The following FBXO25 variants were observed in gnomAD, a reference collection of about 807,000 sequenced individuals.
FBXO25 encodes F-box only protein 25.
Under a neutral mutation model 51.9 loss-of-function variants are expected in FBXO25, and 45 were observed. The observed-to-expected ratio is 0.87, with a 90% CI of 0.68 to 1.11. The LOEUF (loss-of-function observed/expected upper bound fraction) is 1.11. FBXO25 is among the 50% of genes most tolerant of loss of function. The probability of loss-of-function intolerance (pLI) is 0.00; values close to 1 mark genes in which losing one functional copy is unlikely to be tolerated. For missense variants in FBXO25, 507 were observed against 428.5 expected, an observed-to-expected ratio of 1.18 and a Z score of -1.62; for synonymous variants, 199 against 151.0, an observed-to-expected ratio of 1.32 and a Z score of -2.33.
At chr8:441,460 A>G (rs1018241606) in intron 5 of FBXO25, among the ~76,000 whole-genome samples, 6 of 152,250 alleles carry the variant, frequency 3.9e-5, no homozygotes, top group Non-Finnish European at 7.3e-5. Flanking sequence ...GGCATGGGCA[A>G]AGACTTGATG....
intron 2 of FBXO25, among the ~76,000 whole-genome samples, chr8:417,805 G>C (rs1166511001): frequency 6.6e-6 from 1 of 152,096 alleles, no homozygotes; most frequent in Non-Finnish European, 1.5e-5. Flanking sequence ...TAACTTATTT[G>C]TCCAGGCTTC....
intron 7 of FBXO25, among the ~76,000 whole-genome samples, chr8:457,172 C>T (rs73669394): frequency 0.077 from 11,653 of 152,248 alleles, 1,385 homozygotes; most frequent in African/African-American, 0.25. Flanking sequence ...CCACCCCAGA[C>T]TGGGGTCAGG....
chr8:458,083 ACCT>A (rs573670597), intron 7 of FBXO25, among the ~76,000 whole-genome samples: 18 of 151,974 alleles, frequency 1.2e-4, no homozygotes, highest in Non-Finnish European at 2.2e-4. Context: ...AGGAGTACTG[ACCT>A]CCTGATGCTG....
At chr8:438,153 C>T (rs1436186648) in intron 5 of FBXO25, among the ~76,000 whole-genome samples, 1 of 151,832 alleles carries the variant, frequency 6.6e-6, no homozygotes, top group East Asian at 1.9e-4. Flanking sequence ...TTCCTGGGTT[C>T]CAGTGATTCT....
chr8:433,085 A>G, intron 4 of FBXO25, 150 bp downstream of exon 4: 3 of 1,164,900 alleles, frequency 2.6e-6, no homozygotes, highest in Non-Finnish European at 3.5e-6. Context: ...ATAATAGCAT[A>G]TGAGGAGCTT....
Position 440,981 on chromosome 8 carries a change from C to G in FBXO25, c.381+5274C>G, listed in dbSNP as rs888610923. On this transcript the variant is annotated intron_variant, in intron 5 of 9. Coordinates refer to ENST00000350302, the MANE Select transcript of FBXO25 (RefSeq NM_183420.2). ...ATGTGCCACATTTCCTTTATCCAGT[C>G]TATCACTGATGGGCATTTGGGTTGG... 2.0e-3 allele frequency among the ~76,000 whole-genome samples: 291 copies of G among 147,734 alleles called. 3 individuals carry two copies. The highest frequency in any genetic ancestry group is 4.3e-3 in the Admixed American group (64 of 14,714).
At chr8:422,134 T>C (rs1797192096) in intron 2 of FBXO25, among the ~76,000 whole-genome samples, 1 of 151,978 alleles carries the variant, frequency 6.6e-6, no homozygotes, top group African/African-American at 2.4e-5. Flanking sequence ...TTAGGAGAAA[T>C]AGAATATCTG....
intron 2 of FBXO25, among the ~76,000 whole-genome samples, chr8:421,923 A>C (rs922574070): frequency 6.6e-6 from 1 of 152,222 alleles, no homozygotes; most frequent in East Asian, 1.9e-4. Flanking sequence ...TAACCTAAAA[A>C]AGAAAAGAAA....
chr8:438,160 T>A (rs1798211683), intron 5 of FBXO25, among the ~76,000 whole-genome samples: 1 of 152,154 alleles, frequency 6.6e-6, no homozygotes, highest in East Asian at 1.9e-4. Flanking sequence ...GTTCCAGTGA[T>A]TCTCCTGCCT....
At chr8:424,400 G>C (rs1797344991) in intron 2 of FBXO25, among the ~76,000 whole-genome samples, 1 of 152,008 alleles carries the variant, frequency 6.6e-6, no homozygotes, top group Admixed American at 6.5e-5. Context: ...TGTTTTTGTT[G>C]CATTTGTTTT....
intron 1 of FBXO25, among the ~76,000 whole-genome samples, chr8:410,574 A>G (rs763340557): frequency 6.6e-6 from 1 of 152,162 alleles, no homozygotes; most frequent in African/African-American, 2.4e-5. Flanking sequence ...GTCATCTGCT[A>G]CTTCATGGTC....
intron 5 of FBXO25, among the ~76,000 whole-genome samples, chr8:441,133 AACCAAAACAGCATGATACTGGT>A (rs1282850538): frequency 6.6e-6 from 1 of 151,564 alleles, no homozygotes; most frequent in East Asian, 1.9e-4. Context: ...AGGCTACAGT[AACCAAAACAGCATGATACTGGT>A]ACCAAAACAG....
At chr8:458,852 C>G (rs1406676215) in intron 8 of FBXO25, among the ~76,000 whole-genome samples, 2 of 152,194 alleles carry the variant, frequency 1.3e-5, no homozygotes, top group African/African-American at 4.8e-5. Flanking sequence ...GGCTCACTGC[C>G]TTTTCTCCTG....
At position 472,842 on chromosome 8, in the gene FBXO25, G is replaced by C. The variant is rs565019316; in HGVS notation, c.*4038G>C. On this transcript the variant is annotated 3_prime_UTR_variant, in exon 10 of 10. Transcript: ENST00000350302. Reference sequence around the variant, plus strand: ...AGAATTATCAAAAGGAAGGGGTGCTGCCCTCTGAGAAAAGTCAGAAGCAAG... The same window carrying C: ...AGAATTATCAAAAGGAAGGGGTGCTCCCCTCTGAGAAAAGTCAGAAGCAAG... The C allele has an allele frequency of 6.6e-6, 1 of 152,310 alleles. No homozygotes were observed. The highest frequency in any genetic ancestry group is 2.4e-5 in the African/African-American group (1 of 41,558). The allele number at this position is 152,310 out of a possible 1,614,324, so 9.4% of individuals were successfully genotyped here. A position where few individuals can be genotyped will look rare whatever the true frequency, so the allele number is the denominator to read the frequency against.
intron 7 of FBXO25, among the ~76,000 whole-genome samples, chr8:452,166 T>G (rs1799138782): frequency 6.6e-6 from 1 of 152,230 alleles, no homozygotes; most frequent in Admixed American, 6.5e-5. Context: ...GGAATGGTTT[T>G]CAAGTGCCCT....
chr8:421,873 C>T (rs1268558432), intron 2 of FBXO25, among the ~76,000 whole-genome samples: 3 of 151,998 alleles, frequency 2.0e-5, no homozygotes, highest in Non-Finnish European at 4.4e-5. Flanking sequence ...AAAGCTGGAG[C>T]AGTTTGAGCC....
chr8:410,505 A>C (rs1174274293), intron 1 of FBXO25, among the ~76,000 whole-genome samples: 2 of 152,034 alleles, frequency 1.3e-5, no homozygotes, highest in Non-Finnish European at 2.9e-5. Context: ...ATTATCAGAG[A>C]TGTTCCTAGC....
At position 474,002 on chromosome 8, in the gene FBXO25, ATTCATACT is replaced by A. The variant is rs1800566426; in HGVS notation, c.*5199_*5206del. On this transcript the variant is annotated 3_prime_UTR_variant, in exon 10 of 10. Coordinates refer to ENST00000350302, the MANE Select transcript of FBXO25 (RefSeq NM_183420.2). ...TGTGCAATTTAGTGGCATTAAATAC[ATTCATACT>A]GTGCAACCTTCTCTACCACGTATCC... The A allele has an allele frequency of 6.6e-6, 1 of 152,252 alleles. No homozygotes were observed. The highest frequency in any genetic ancestry group is 1.5e-5 in the Non-Finnish European group (1 of 68,084). 9.4% of individuals were successfully genotyped at this position (152,252 alleles called of 1,614,324 possible). A position where few individuals can be genotyped will look rare whatever the true frequency, so the allele number is the denominator to read the frequency against.
In FBXO25 at chr8:468,836, T is replaced by G; in HGVS notation, c.*32T>G. 6.2e-7 allele frequency: 1 copy of G among 1,600,878 alleles called. No homozygotes were observed. Among genetic ancestry groups the G allele is most frequent in the Non-Finnish European group, 8.5e-7 (1 of 1,170,278 alleles). ...CCCCTGCCATCCCTATTGGAGATTG[T>G]GAATCCTGCTGTCTGTGCAGGGCTC... On this transcript the variant is annotated 3_prime_UTR_variant, in exon 10 of 10. Transcript: ENST00000350302.
Sources: gnomAD v4.1 joint callset for allele counts (sites outside exome capture counted in the v4.1 genomes callset) on GRCh38, gnomAD v4.1.1 for gene constraint, MANE v1.5 for transcripts, NCBI Gene and HGNC (gene_info 2026-07-23, HGNC 2026-07-21) for gene names.